Variants in NTRK1 observed in about 807,000 individuals in gnomAD.
NTRK1 encodes the protein high affinity nerve growth factor receptor.
A neutral mutation model predicts 86.8 loss-of-function variants in NTRK1; 62 were observed. The observed-to-expected ratio is 0.71, with a 90% confidence interval of 0.58 to 0.88. NTRK1 has a LOEUF of 0.88. Among genes scored for constraint, NTRK1 ranks in the 40% least tolerant of loss-of-function variants. The pLI is 0.00. For missense variants in NTRK1, 967 were observed against 1,078.4 expected (o/e 0.90, Z 1.45); for synonymous variants, 469 against 456.6 (o/e 1.03, Z -0.35).
At chr1:156,824,819 C>A (rs1654279328) in intron 1 of NTRK1, among the ~76,000 whole-genome samples, 1 of 152,180 alleles carries the variant, frequency 6.6e-6, no homozygotes, top group Non-Finnish European at 1.5e-5. Context: ...ATTCCAACAC[C>A]ACTGGACATG....
intron 2 of NTRK1, among the ~76,000 whole-genome samples, chr1:156,843,756 T>C (rs1571658253): frequency 6.6e-6 from 1 of 152,342 alleles, no homozygotes; most frequent in East Asian, 1.9e-4. Flanking sequence ...CAGCCCCATT[T>C]TCCTCTTGCA....
upstream of NTRK1, chr1:156,858,639 G>T (rs565205202): frequency 6.2e-6 from 10 of 1,610,584 alleles, no homozygotes; most frequent in Admixed American, 1.7e-5. Context: ...GCCCTGGCTT[G>T]TGTCCAGTCC....
chr1:156,852,813 C>T (rs927428543), intron 2 of NTRK1, among the ~76,000 whole-genome samples: 3 of 152,136 alleles, frequency 2.0e-5, no homozygotes, highest in Admixed American at 6.5e-5. Context: ...TGAGAGGATG[C>T]GCAGCAGCTG....
chr1:156,833,565 A>AT (rs1553257564), intron 1 of NTRK1, among the ~76,000 whole-genome samples: 1 of 151,978 alleles, frequency 6.6e-6, no homozygotes, highest in Non-Finnish European at 1.5e-5. Flanking sequence ...CTCAAAAAAT[A>AT]AACAAAAAAA....
At chr1:156,842,489 A>G in intron 2 of NTRK1, 1 of 1,614,004 alleles carries the variant, frequency 6.2e-7, no homozygotes, top group South Asian at 1.1e-5. Flanking sequence ...GCCCTGAGAT[A>G]CCACACCCAG....
rs534117974 is a variant in NTRK1, at chr1:156,841,334, C to T, written c.-63-747C>T. 129 of 904,192 alleles carry T rather than the reference C, an allele frequency of 1.4e-4. No homozygotes were observed. In the African/African-American group the frequency reaches 2.0e-3, roughly 14 times the overall value. The allele number at this position is 904,192 out of a possible 1,614,324, so 56.0% of individuals were successfully genotyped here. A position where few individuals can be genotyped will look rare whatever the true frequency, so the allele number is the denominator to read the frequency against. The stretch of plus-strand genomic sequence containing the variant: ...AGGAGGTGAGCCAGAATCATGGGGC[C>T]GGGTGGGGGAGGGTTGTAGGTAGAT... On this transcript the variant is annotated intron_variant, in intron 1 of 16. Coordinates refer to the NTRK1 transcript ENST00000392302.
At chr1:156,851,227 T>G (rs1170811769) in intron 2 of NTRK1, 3 of 1,598,016 alleles carry the variant, frequency 1.9e-6, no homozygotes, top group Non-Finnish European at 2.6e-6. Context: ...TCTTCACCAC[T>G]GTTCTGGGAG....
chr1:156,845,007 C>A, intron 2 of NTRK1: 1 of 1,546,094 alleles, frequency 6.5e-7, no homozygotes. Context: ...AGAAGTCAAA[C>A]CCCAAACCTT....
At chr1:156,844,647 G>A (rs756593983) in intron 2 of NTRK1, 2 of 1,613,802 alleles carry the variant, frequency 1.2e-6, no homozygotes, top group African/African-American at 2.7e-5. Flanking sequence ...CAGAACAGCT[G>A]GCTGGGAAGG....
At chr1:156,842,420 C>G (rs747555254) in intron 2 of NTRK1, 1 of 1,614,060 alleles carries the variant, frequency 6.2e-7, no homozygotes. Context: ...CCGCAAAGAT[C>G]GAAGATGGCT....
chr1:156,868,256 G>T lies in NTRK1; in HGVS notation c.574+7G>T, dbSNP rs1350618047. The T allele has an allele frequency of 1.9e-6, 3 of 1,607,344 alleles. No individual in the cohort carries two copies. Among genetic ancestry groups the T allele is most frequent in the Non-Finnish European group, 2.5e-6 (3 of 1,179,956 alleles). ...ATGCCCAATGCCAGCTGTGGTAGGT[G>T]CCGGGTGAGGGAGGTGGTGTAAGGG... On this transcript the variant is annotated splice_region_variant and intron_variant, in intron 5 of 16. Transcript: ENST00000524377.
At position 156,875,680 on chromosome 1, in the gene NTRK1, C is replaced by T. The variant is rs754751362; in HGVS notation, c.1501+14C>T. On this transcript the variant is annotated intron_variant, in intron 12 of 16. Coordinates refer to ENST00000524377, the MANE Select transcript of NTRK1 (RefSeq NM_002529.4). ...TCAGTGATGCCTGTGAGGGGCTATG[C>T]TGGGTCAAGGGCAGGGACGAGTGTG... The T allele has an allele frequency of 1.9e-6, 3 of 1,605,684 alleles. No homozygotes were observed. Among genetic ancestry groups the T allele is most frequent in the Non-Finnish European group, 1.7e-6 (2 of 1,178,042 alleles).
chr1:156,863,137 T>C (rs1391689013), intron 1 of NTRK1, among the ~76,000 whole-genome samples: 1 of 152,096 alleles, frequency 6.6e-6, no homozygotes, highest in Non-Finnish European at 1.5e-5. Context: ...AACTCCCTGG[T>C]ATGTCGGATC....
chr1:156,879,477 C>A, intron 15 of NTRK1, 115 bp downstream of exon 15: 1 of 1,378,782 alleles, frequency 7.3e-7, no homozygotes, highest in Non-Finnish European at 9.8e-7. Flanking sequence ...CTGAGATTCA[C>A]TGGCTCTGGT....
At chr1:156,851,996 T>C (rs984192969) in intron 2 of NTRK1, 1 of 1,612,104 alleles carries the variant, frequency 6.2e-7, no homozygotes, top group Non-Finnish European at 8.5e-7. Flanking sequence ...GGCACAGCGC[T>C]CAGCTGTGAC....
chr1:156,851,180 G>C, intron 2 of NTRK1: 1 of 1,189,646 alleles, frequency 8.4e-7, no homozygotes, highest in South Asian at 1.2e-5. Context: ...AGAGTCACAC[G>C]CCTAGTGAGT....
At chr1:156,837,069 TG>T (rs1398805537) in intron 1 of NTRK1, 4 of 152,280 alleles carry the variant, frequency 2.6e-5, no homozygotes, top group African/African-American at 9.7e-5. Flanking sequence ...CTCTGAGCCA[TG>T]TGGCCCCTTT....
At chr1:156,843,336 A>G in intron 2 of NTRK1, 1 of 1,568,888 alleles carries the variant, frequency 6.4e-7, no homozygotes, top group Non-Finnish European at 8.8e-7. Context: ...TCCCAAGGCT[A>G]TCTTCTGCAA....
Position 156,876,171 on chromosome 1 carries a change from C to T in NTRK1, c.1593C>T (p.Asn531=), listed in dbSNP as rs1647891051. The change falls in exon 13 of 17, where the codon AAC becomes AAT. Residue 531 remains asparagine, a synonymous_variant. Transcript: ENST00000524377. ...AGGTCTTCCTTGCTGAGTGCCACAA[C>T]CTCCTGCCTGAGCAGGACAAGATGC... is the stretch of plus-strand genomic sequence containing the variant. ...FGKVFLAECH[N]LLPEQDKMLV... is the part of the protein sequence containing the mutation. The T allele has an allele frequency of 6.2e-7, 1 of 1,614,186 alleles. No homozygotes were observed. Among genetic ancestry groups the T allele is most frequent in the Non-Finnish European group, 8.5e-7 (1 of 1,180,034 alleles).
Sources: gnomAD v4.1 joint callset for allele counts (sites outside exome capture counted in the v4.1 genomes callset) on GRCh38, gnomAD v4.1.1 for gene constraint, MANE v1.5 for transcripts, NCBI Gene and HGNC (gene_info 2026-07-23, HGNC 2026-07-21) for gene names.